The following CSMD1 variants were observed in gnomAD, a reference collection of about 807,000 sequenced individuals.
CSMD1 encodes CUB and Sushi multiple domains 1, also known as CUB and sushi domain-containing protein 1.
Under a neutral mutation model 417.5 loss-of-function variants are expected in CSMD1, and 213 were observed. The observed-to-expected ratio is 0.51, with a 90% CI of 0.46 to 0.57. The LOEUF (loss-of-function observed/expected upper bound fraction) is 0.57. Among genes scored for constraint, CSMD1 ranks in the 20% least tolerant of loss-of-function variants. The pLI is 0.00. For synonymous variants in CSMD1, 2,862 were observed against 1,736.8 expected (o/e 1.65, Z -16.11); for missense variants, 6,923 against 4,529.7 (o/e 1.53, Z -15.17).
chr8:4,444,882 T>C (rs796797763), intron 2 of CSMD1, among the ~76,000 whole-genome samples: 9 of 152,322 alleles, frequency 5.9e-5, no homozygotes, highest in East Asian at 5.8e-4. Context: ...AGGTAATTGA[T>C]TGTTCAGACT....
intron 12 of CSMD1, among the ~76,000 whole-genome samples, chr8:3,439,309 A>ATATATAT: frequency 2.4e-4 from 15 of 62,452 alleles, no homozygotes; most frequent in East Asian, 1.7e-3. Context: ...ATATATATAT[A>ATATATAT]TTTTTTTTTT....
chr8:3,666,813 T>G (rs1798717568), intron 7 of CSMD1, among the ~76,000 whole-genome samples: 1 of 151,968 alleles, frequency 6.6e-6, no homozygotes, highest in Non-Finnish European at 1.5e-5. Context: ...CTCAGCCATG[T>G]GGAACTGTGA....
chr8:4,200,928 T>C (rs1166760626), intron 3 of CSMD1, among the ~76,000 whole-genome samples: 1 of 152,216 alleles, frequency 6.6e-6, no homozygotes, highest in South Asian at 2.1e-4. Flanking sequence ...TATGCATTCA[T>C]GTCTTTTCTA....
intron 37 of CSMD1, among the ~76,000 whole-genome samples, chr8:3,173,280 T>C (rs1402634734): frequency 6.6e-6 from 1 of 152,210 alleles, no homozygotes; most frequent in African/African-American, 2.4e-5. Context: ...AGTAATATTG[T>C]AGAAGTGACT....
chr8:4,211,354 TC>T lies in CSMD1; in HGVS notation c.416-179256del, dbSNP rs147434174. Among the ~76,000 whole-genome samples the T allele has an allele frequency of 9.5e-3, 1,454 of 152,312 alleles. 21 individuals carry two copies. The highest frequency in any genetic ancestry group is 0.034 in the African/African-American group (1,403 of 41,564). ...TTAAATTTCTTTACATTTCTTTTAT[TC>T]CCTGTTTTTCTTTGAAGTAATGCAA... On this transcript the variant is annotated intron_variant, in intron 3 of 69. Transcript: ENST00000635120.
At chr8:4,638,114 G>C (rs774795384) in intron 1 of CSMD1, among the ~76,000 whole-genome samples, 1 of 152,182 alleles carries the variant, frequency 6.6e-6, no homozygotes, top group Non-Finnish European at 1.5e-5. Flanking sequence ...GTTTAGGGAA[G>C]TTCTTTATCC....
At chr8:4,268,840 G>T (rs918541777) in intron 3 of CSMD1, among the ~76,000 whole-genome samples, 4 of 151,874 alleles carry the variant, frequency 2.6e-5, no homozygotes, top group Non-Finnish European at 5.9e-5. Flanking sequence ...TCTTAATATG[G>T]GAGAGATTTT....
chr8:4,361,667 G>A (rs1337771800), intron 3 of CSMD1, among the ~76,000 whole-genome samples: 1 of 152,072 alleles, frequency 6.6e-6, no homozygotes, highest in Non-Finnish European at 1.5e-5. Flanking sequence ...TTTCCTATCA[G>A]CAGCCAGGTG....
intron 37 of CSMD1, among the ~76,000 whole-genome samples, chr8:3,174,275 C>T (rs1440915345): frequency 6.6e-6 from 1 of 152,184 alleles, no homozygotes; most frequent in African/African-American, 2.4e-5. Context: ...GCAAAGATGG[C>T]TTAAGCTCAG....
chr8:4,891,221 G>C (rs1489728324), intron 1 of CSMD1, among the ~76,000 whole-genome samples: 1 of 152,108 alleles, frequency 6.6e-6, no homozygotes, highest in Admixed American at 6.5e-5. Context: ...TCACTATGAA[G>C]AGGTAAAATT....
intron 11 of CSMD1, among the ~76,000 whole-genome samples, chr8:3,492,476 T>C (rs1037374706): frequency 2.6e-5 from 4 of 152,060 alleles, no homozygotes; most frequent in African/African-American, 7.3e-5. Flanking sequence ...AAGACGCTTC[T>C]GGTTTAGTGG....
chr8:2,982,957 C>G (rs1024946296), intron 54 of CSMD1, among the ~76,000 whole-genome samples: 1 of 152,124 alleles, frequency 6.6e-6, no homozygotes, highest in Non-Finnish European at 1.5e-5. Context: ...GTCTGGTGTC[C>G]TCTCCATGGC....
chr8:4,521,560 A>G (rs1468157710), intron 2 of CSMD1, among the ~76,000 whole-genome samples: 1 of 152,232 alleles, frequency 6.6e-6, no homozygotes, highest in African/African-American at 2.4e-5. Flanking sequence ...ATGATATGAT[A>G]GAGTAATGCT....
Position 4,823,474 on chromosome 8 carries a change from G to A in CSMD1, c.85+170858C>T, listed in dbSNP as rs567401604. Among the ~76,000 whole-genome samples the A allele has an allele frequency of 7.2e-5, 11 of 151,966 alleles. No individual in the cohort carries two copies. In the East Asian group the frequency reaches 1.4e-3, roughly 19 times the overall value. ...GTAAAATGGGGTACTTAGGGCAACC[G>A]AGGATTCCATAGAATAATGCATATA... On this transcript the variant is annotated intron_variant, in intron 1 of 69. Transcript: ENST00000635120.
At chr8:2,952,226 G>A (rs1437643118) in intron 65 of CSMD1, among the ~76,000 whole-genome samples, 1 of 152,108 alleles carries the variant, frequency 6.6e-6, no homozygotes, top group Non-Finnish European at 1.5e-5. Flanking sequence ...AGCATAATTG[G>A]TCAAAACACA....
At chr8:4,093,056 T>G (rs1418226134) in intron 3 of CSMD1, among the ~76,000 whole-genome samples, 1 of 152,206 alleles carries the variant, frequency 6.6e-6, no homozygotes, top group Non-Finnish European at 1.5e-5. Flanking sequence ...TTGCATAGTT[T>G]GAACAAGTTG....
At chr8:2,985,507 G>C (rs998522352) in intron 54 of CSMD1, among the ~76,000 whole-genome samples, 1 of 151,504 alleles carries the variant, frequency 6.6e-6, no homozygotes, top group African/African-American at 2.4e-5. Flanking sequence ...TCCTTACAAA[G>C]GTTCTATACA....
chr8:4,490,618 A>T (rs916186357), intron 2 of CSMD1, among the ~76,000 whole-genome samples: 1 of 152,156 alleles, frequency 6.6e-6, no homozygotes, highest in Non-Finnish European at 1.5e-5. Flanking sequence ...CAAAGACTGA[A>T]ATCAGGAGAG....
rs534513330 is a variant in CSMD1 at position 3,120,090 on chromosome 8, G to A, written c.6242-1503C>T. The stretch of plus-strand genomic sequence containing the variant: ...TAAACAAATGCTGGAAAAGGAAACA[G>A]TATATTATTATGACAGGTGTTTCCC... On this transcript the variant is annotated intron_variant, in intron 41 of 69. Coordinates refer to ENST00000635120, the MANE Select transcript of CSMD1 (RefSeq NM_033225.6). Among the ~76,000 whole-genome samples the A allele has an allele frequency of 2.8e-4, 42 of 152,256 alleles. No individual in the cohort carries two copies. The South Asian group carries it at 3.1e-3, about 11-fold the overall frequency.
Sources: gnomAD v4.1 joint callset for allele counts (sites outside exome capture counted in the v4.1 genomes callset) on GRCh38, gnomAD v4.1.1 for gene constraint, MANE v1.5 for transcripts, NCBI Gene and HGNC (gene_info 2026-07-23, HGNC 2026-07-21) for gene names.